Variants in HMGN1 observed in about 807,000 individuals in gnomAD.
The protein encoded by HMGN1 is non-histone chromosomal protein HMG-14.
Under a neutral mutation model 18.4 loss-of-function variants are expected in HMGN1, and 9 were observed. That is an observed-to-expected ratio of 0.49 (90% CI 0.29 to 0.85). The LOEUF (loss-of-function observed/expected upper bound fraction) is 0.85, where lower values mean the gene tolerates loss of function less well. Ranked by LOEUF, HMGN1 falls within the 40% of genes least tolerant of loss-of-function variation. The pLI, the probability that HMGN1 is intolerant of heterozygous loss-of-function variation, is 0.07. For missense variants in HMGN1, 151 were observed against 119.2 expected (o/e 1.27, Z -1.24); for synonymous variants, 59 against 45.0 (o/e 1.31, Z -1.24).
Position 39,343,025 on chromosome 21 carries a change from G to A in HMGN1, c.*87C>T. 1.6e-6 allele frequency: 2 copies of A among 1,289,272 alleles called. No homozygotes were observed. Among genetic ancestry groups the A allele is most frequent in the Non-Finnish European group, 2.2e-6 (2 of 896,808 alleles). 79.9% of individuals were successfully genotyped at this position (1,289,272 alleles called of 1,614,324 possible). On this transcript the variant is annotated 3_prime_UTR_variant, in exon 6 of 6. Transcript: ENST00000380749. The stretch of plus-strand genomic sequence containing the variant: ...TGTTTCTAGAGCTACTAAAAAACTT[G>A]CATTTACAAAATAGTTGATAAAAAT...
In HMGN1 at chr21:39,348,575, G is replaced by A; in HGVS notation, c.18C>T (p.Val6=). 5.6e-6 allele frequency: 9 copies of A among 1,604,010 alleles called. No individual in the cohort carries two copies. The highest frequency in any genetic ancestry group is 6.8e-6 in the Non-Finnish European group (8 of 1,175,850). ...CCTTGGCGGCGCCTTCGGCGGAGCTGACCTGCGGAGACGGAGACGCACGAA... is the reference window on the plus strand; with the variant it reads ...CCTTGGCGGCGCCTTCGGCGGAGCTAACCTGCGGAGACGGAGACGCACGAA... MPKRK[V]SSAEGAAKEE... is the part of the protein sequence containing the mutation. The change falls in exon 2 of 6, where the codon GTC becomes GTT. Residue 6 remains valine (V), a splice_region_variant and synonymous_variant. Coordinates refer to ENST00000380749, the MANE Select transcript of HMGN1 (RefSeq NM_004965.7).
intron 2 of HMGN1, 36 bp from the exon 3 acceptor site, chr21:39,348,487 A>T: frequency 6.2e-7 from 1 of 1,614,096 alleles, no homozygotes; most frequent in Non-Finnish European, 8.5e-7. Context: ...GCGAGAAGAG[A>T]AGGCAGGCCA....
chr21:39,342,996 A>G lies in HMGN1; in HGVS notation c.*116T>C. 1 of 1,201,984 alleles carries G rather than the reference A, an allele frequency of 8.3e-7. No homozygotes were observed. Among genetic ancestry groups the G allele is most frequent in the East Asian group, 2.5e-5 (1 of 40,536 alleles). 74.5% of individuals were successfully genotyped at this position (1,201,984 alleles called of 1,614,324 possible). A position where few individuals can be genotyped will look rare whatever the true frequency, so the allele number is the denominator to read the frequency against. On this transcript the variant is annotated 3_prime_UTR_variant, in exon 6 of 6. Coordinates refer to ENST00000380749, the MANE Select transcript of HMGN1 (RefSeq NM_004965.7). ...ATGAGGTGGGATTCCCTCCTTCTTA[A>G]AAATGTTTCTAGAGCTACTAAAAAA...
At chr21:39,345,824 A>C (rs951057662) in intron 4 of HMGN1, 3 of 1,299,526 alleles carry the variant, frequency 2.3e-6, no homozygotes, top group African/African-American at 3.0e-5. Context: ...CATTAAGACC[A>C]ATCACCTGAA....
Position 39,342,808 on chromosome 21 carries a change from A to G in HMGN1, c.*304T>C, listed in dbSNP as rs1297512335. On this transcript the variant is annotated 3_prime_UTR_variant, in exon 6 of 6. Transcript: ENST00000380749. Reference sequence around the variant, plus strand: ...TTTAATATGCTTTGTATTATAGGATATAAAAACTAACCCCCCATCTGTGGA... The same window carrying G: ...TTTAATATGCTTTGTATTATAGGATGTAAAAACTAACCCCCCATCTGTGGA... The G allele has an allele frequency of 1.5e-6, 2 of 1,374,928 alleles. No individual in the cohort carries two copies. Among genetic ancestry groups the G allele is most frequent in the South Asian group, 1.2e-5 (1 of 81,596 alleles). The allele number at this position is 1,374,928 out of a possible 1,614,324, so 85.2% of individuals were successfully genotyped here. A position where few individuals can be genotyped will look rare whatever the true frequency, so the allele number is the denominator to read the frequency against.
intron 4 of HMGN1, chr21:39,346,694 T>C (rs2037066939): frequency 1.3e-5 from 2 of 152,414 alleles, no homozygotes; most frequent in Admixed American, 1.3e-4. Context: ...GTCTACTGTG[T>C]AGTATGATAA....
In HMGN1 at chr21:39,345,258, T is replaced by A; in HGVS notation, c.143A>T (p.Lys48Ile). The A allele has an allele frequency of 6.2e-7, 1 of 1,613,216 alleles. No individual in the cohort carries two copies. Among genetic ancestry groups the A allele is most frequent in the Non-Finnish European group, 8.5e-7 (1 of 1,179,336 alleles). Reference protein sequence around the residue: ...KAAAKDKSSDKKVQTKGKRGA... With the variant: ...KAAAKDKSSDIKVQTKGKRGA... The stretch of plus-strand genomic sequence containing the variant: ...CCTTTTCCCTTTTGTTTGCACTTTT[T>A]TGTCTGAAGATTTATCCTATGATAG... Residue 48 changes from lysine (K) to isoleucine (I), a missense_variant, in exon 5 of 6, where the codon AAA becomes ATA. Coordinates refer to ENST00000380749, the MANE Select transcript of HMGN1 (RefSeq NM_004965.7).
chr21:39,346,683 T>C (rs750864573), intron 4 of HMGN1: 1 of 152,454 alleles, frequency 6.6e-6, no homozygotes, highest in Non-Finnish European at 1.5e-5. Flanking sequence ...CTTGAAAACA[T>C]GTCTACTGTG....
chr21:39,345,869 C>T lies in HMGN1; in HGVS notation c.127-595G>A, dbSNP rs1336482773. On this transcript the variant is annotated intron_variant, in intron 4 of 5. Transcript: ENST00000380749. ...CATGCCGTACGGTCAGGTTGACTATCCTGCTACAGTTAATCCCTTCATATC... is the reference window on the plus strand; with the variant it reads ...CATGCCGTACGGTCAGGTTGACTATTCTGCTACAGTTAATCCCTTCATATC... 3.1e-6 allele frequency: 4 copies of T among 1,303,084 alleles called. No homozygotes were observed. In the African/African-American group the frequency reaches 6.1e-5, roughly 20 times the overall value. The allele number at this position is 1,303,084 out of a possible 1,614,324, so 80.7% of individuals were successfully genotyped here. A position where few individuals can be genotyped will look rare whatever the true frequency, so the allele number is the denominator to read the frequency against.
chr21:39,345,275 C>T lies in HMGN1; in HGVS notation c.127-1G>A, dbSNP rs1477977341. ...GCACTTTTTTGTCTGAAGATTTATC[C>T]TATGATAGAATAAGAATATATTTTA... On this transcript the variant is annotated splice_acceptor_variant, in intron 4 of 5. Transcript: ENST00000380749. LOFTEE classifies it high-confidence loss of function. 1 of 1,610,854 alleles carries T rather than the reference C, an allele frequency of 6.2e-7. No individual in the cohort carries two copies. The highest frequency in any genetic ancestry group is 8.5e-7 in the Non-Finnish European group (1 of 1,177,668).
At chr21:39,347,380 T>C (rs2037093086) in intron 4 of HMGN1, 1 of 1,176,310 alleles carries the variant, frequency 8.5e-7, no homozygotes, top group Non-Finnish European at 1.1e-6. Flanking sequence ...GTTTTATACC[T>C]TTATTTAACA....
chr21:39,345,107 A>ACACACACACACACAC (rs1364544074), intron 5 of HMGN1, 39 bp downstream of exon 5: 1 of 1,485,086 alleles, frequency 6.7e-7, no homozygotes, highest in Middle Eastern at 2.4e-4. Context: ...GAGTCAAAGC[A>ACACACACACACACAC]ATCACACACA....
chr21:39,343,120 A>C lies in HMGN1; in HGVS notation c.295T>G (p.Ser99Ala). The C allele has an allele frequency of 6.3e-7, 1 of 1,582,186 alleles. No homozygotes were observed. Among genetic ancestry groups the C allele is most frequent in the Non-Finnish European group, 8.7e-7 (1 of 1,155,192 alleles). The change falls in exon 6 of 6, where the codon TCT (serine) becomes GCT (alanine). Residue 99 changes from serine to alanine, a missense_variant. By Grantham distance (99) the Ser-to-Ala change is moderately conservative (BLOSUM62 1). Transcript: ENST00000380749. ...SDEAGEKEAK[S>A]D ...GACATGGTATATGGTTATTAATCAG[A>C]CTTGGCTTCTTTCTCTCCTGCTTCA...
intron 4 of HMGN1, 193 bp from the exon 5 acceptor site, chr21:39,345,467 T>C (rs2037018937): frequency 1.6e-6 from 1 of 611,268 alleles, no homozygotes; most frequent in Non-Finnish European, 2.9e-6. Flanking sequence ...TCTCATTTTG[T>C]ATAGACTGTA....
chr21:39,347,551 T>TG (rs1555884330), intron 4 of HMGN1: 3 of 529,414 alleles, frequency 5.7e-6, no homozygotes, highest in Non-Finnish European at 1.0e-5. Context: ...AACTCTCACC[T>TG]AAGTTTTGGA....
In HMGN1 at chr21:39,345,350, A is replaced by C. The variant is rs547735774; in HGVS notation, c.127-76T>G. On this transcript the variant is annotated intron_variant, in intron 4 of 5. Coordinates refer to ENST00000380749, the MANE Select transcript of HMGN1 (RefSeq NM_004965.7). Reference sequence around the variant, plus strand: ...CATTTTGTTTTACTTTTTCCCCTTCATGTCAGACAAGTAATGTGCCCAGTG... The same window carrying C: ...CATTTTGTTTTACTTTTTCCCCTTCCTGTCAGACAAGTAATGTGCCCAGTG... The C allele has an allele frequency of 1.9e-4, 272 of 1,443,290 alleles. 2 individuals carry two copies. The South Asian group carries it at 3.1e-3, about 16-fold the overall frequency. The allele number at this position is 1,443,290 out of a possible 1,614,324, so 89.4% of individuals were successfully genotyped here.
At position 39,348,879 on chromosome 21, in the gene HMGN1, G is replaced by C. The variant is rs1461700958; in HGVS notation, c.15+24C>G. 3 of 1,131,496 alleles carry C rather than the reference G, an allele frequency of 2.7e-6. No homozygotes were observed. In the African/African-American group the frequency reaches 5.0e-5, roughly 19 times the overall value. The allele number at this position is 1,131,496 out of a possible 1,614,324, so 70.1% of individuals were successfully genotyped here. A position where few individuals can be genotyped will look rare whatever the true frequency, so the allele number is the denominator to read the frequency against. On this transcript the variant is annotated intron_variant, in intron 1 of 5. Coordinates refer to ENST00000380749, the MANE Select transcript of HMGN1 (RefSeq NM_004965.7). ...CGCCGGCGGCGGCTCCAGGGGGCGT[G>C]TGCGGGCCGCGGCCGCCGCTCACCT...
intron 4 of HMGN1, chr21:39,346,047 TTA>T: frequency 1.4e-6 from 1 of 730,056 alleles, no homozygotes; most frequent in Non-Finnish European, 2.1e-6. Flanking sequence ...AAAAATACTT[TTA>T]GATACCATCC....
At chr21:39,347,584 G>A (rs2037100915) in intron 4 of HMGN1, 1 of 464,572 alleles carries the variant, frequency 2.2e-6, no homozygotes, top group African/African-American at 2.0e-5. Context: ...ACCCCGCGAA[G>A]AACATGTAGA....
Sources: gnomAD v4.1 joint callset for allele counts on GRCh38, gnomAD v4.1.1 for gene constraint, MANE v1.5 for transcripts, NCBI Gene and HGNC (gene_info 2026-07-23, HGNC 2026-07-21) for gene names.